The following LRRC74A variants were observed in gnomAD, a reference collection of about 807,000 sequenced individuals.
LRRC74A encodes leucine rich repeat containing 74A, also known as leucine-rich repeat-containing protein 74A.
Under a neutral mutation model 57.9 loss-of-function variants are expected in LRRC74A, and 44 were observed. That is an observed-to-expected ratio of 0.76 (90% CI 0.60 to 0.98). The LOEUF is 0.98. Ranked by LOEUF, LRRC74A falls within the 50% of genes least tolerant of loss-of-function variation. The probability of loss-of-function intolerance (pLI) is 0.00; values close to 1 mark genes in which losing one functional copy is unlikely to be tolerated. For synonymous variants in LRRC74A, 211 were observed against 219.4 expected (o/e 0.96, Z 0.34); for missense variants, 572 against 574.0 (o/e 1.00, Z 0.04).
chr14:76,869,634 C>T (rs1268129481), intron 13 of LRRC74A, among the ~76,000 whole-genome samples: 3 of 151,684 alleles, frequency 2.0e-5, no homozygotes, highest in South Asian at 2.1e-4. Flanking sequence ...TGGTGGCAGG[C>T]GCCTGTAATC....
chr14:76,845,073 C>A (rs1341373841), intron 7 of LRRC74A, among the ~76,000 whole-genome samples, 172 bp downstream of exon 7: 1 of 152,210 alleles, frequency 6.6e-6, no homozygotes, highest in Non-Finnish European at 1.5e-5. Flanking sequence ...CCTGTAATCC[C>A]AGAACTTCAG....
chr14:76,867,211 T>TGTGTGTGTGTGTGGTAGTGTGTGTGTGG, intron 12 of LRRC74A, 145 bp from the exon 13 acceptor site: 2 of 149,118 alleles, frequency 1.3e-5, no homozygotes, highest in South Asian at 1.1e-4. Context: ...GGGGGTGGGG[T>TGTGTGTGTGTGTGGTAGTGTGTGTGTGG]GTGTGTGTGT....
At chr14:76,836,580 G>A (rs1251656859) in intron 4 of LRRC74A, among the ~76,000 whole-genome samples, 1 of 152,120 alleles carries the variant, frequency 6.6e-6, no homozygotes, top group Non-Finnish European at 1.5e-5. Flanking sequence ...TGGGAGGATC[G>A]CCTGAGGTCA....
chr14:76,837,978 A>C lies in LRRC74A; in HGVS notation c.544+7A>C, dbSNP rs752033405. ...TGGAGCCTTGAGCTTTCAGGTGAGC[A>C]CATGGAAAGGGAGGGAGAAGACACT... On this transcript the variant is annotated splice_region_variant and intron_variant, in intron 5 of 13. Coordinates refer to ENST00000689127, the MANE Select transcript of LRRC74A (RefSeq NM_001385106.1). 2.0e-6 allele frequency: 3 copies of C among 1,533,612 alleles called. No homozygotes were observed. In the African/African-American group the frequency reaches 4.1e-5, roughly 21 times the overall value.
At chr14:76,860,118 A>G (rs1451925298) in intron 10 of LRRC74A, among the ~76,000 whole-genome samples, 7 of 152,174 alleles carry the variant, frequency 4.6e-5, no homozygotes, top group Non-Finnish European at 1.0e-4. Flanking sequence ...AATTCTTTGA[A>G]AGGGCAAAAT....
chr14:76,844,791 C>T (rs1209935422), intron 6 of LRRC74A, 29 bp from the exon 7 acceptor site: 2 of 1,258,898 alleles, frequency 1.6e-6, no homozygotes, highest in Admixed American at 3.5e-5. Flanking sequence ...GACAAAAAAT[C>T]CTTCTCTTTC....
intron 12 of LRRC74A, among the ~76,000 whole-genome samples, chr14:76,866,356 C>T (rs1898794305): frequency 6.6e-6 from 1 of 152,176 alleles, no homozygotes; most frequent in African/African-American, 2.4e-5. Flanking sequence ...GTTTTTCTCC[C>T]CATTGCATTT....
Position 76,870,118 on chromosome 14 carries a change from G to A in LRRC74A, c.1392-7G>A, listed in dbSNP as rs144379825. The A allele has an allele frequency of 2.0e-5, 33 of 1,611,020 alleles. No individual in the cohort carries two copies. Among genetic ancestry groups the A allele is most frequent in the Non-Finnish European group, 2.5e-5 (30 of 1,178,726 alleles). On this transcript the variant is annotated splice_region_variant and splice_polypyrimidine_tract_variant and intron_variant, in intron 13 of 13. Transcript: ENST00000689127. ...GCTCAGCATCTTTCCCTTACCTTTC[G>A]TACCAGTTTCTTGAACACGATGAAG...
At chr14:76,851,289 CT>C (rs1378814942) in intron 7 of LRRC74A, among the ~76,000 whole-genome samples, 5 of 152,230 alleles carry the variant, frequency 3.3e-5, no homozygotes, top group Admixed American at 2.0e-4. Flanking sequence ...AATACAGCCC[CT>C]GAAGATGTTT....
Position 76,857,441 on chromosome 14 carries a change from AC to A in LRRC74A, c.1023del (p.Lys342AsnfsTer19). On this transcript the variant is annotated frameshift_variant, in exon 10 of 14. Coordinates refer to ENST00000689127, the MANE Select transcript of LRRC74A (RefSeq NM_001385106.1). LOFTEE classifies it high-confidence loss of function. ...AILLILAIKR[N>X]PKSRMEELDI... ...TTACTTATCCTGGCTATCAAGAGGA[AC>A]CCCAAATCCAGGATGGAAGAGCTTG... is the stretch of plus-strand genomic sequence containing the variant. 1 of 1,586,870 alleles carries A rather than the reference AC, an allele frequency of 6.3e-7. No individual in the cohort carries two copies. The highest frequency in any genetic ancestry group is 1.1e-5 in the South Asian group (1 of 87,146).
chr14:76,828,806 G>C (rs780071186), intron 2 of LRRC74A: 34 of 413,400 alleles, frequency 8.2e-5, no homozygotes, highest in Non-Finnish European at 1.5e-4. Flanking sequence ...GCCTTAAAGA[G>C]ATTATAGGCA....
intron 5 of LRRC74A, among the ~76,000 whole-genome samples, chr14:76,839,317 G>GC (rs1386403033): frequency 6.6e-6 from 1 of 152,132 alleles, no homozygotes; most frequent in Non-Finnish European, 1.5e-5. Context: ...ATGGACTGTT[G>GC]CCTATACCAT....
intron 8 of LRRC74A, 28 bp from the exon 9 acceptor site, chr14:76,853,188 C>T (rs760197210): frequency 7.0e-6 from 11 of 1,570,124 alleles, no homozygotes; most frequent in East Asian, 2.2e-5. Context: ...AACCTTGATG[C>T]TGGTGCTGTT....
At chr14:76,829,743 C>G (rs969894619) in intron 2 of LRRC74A, among the ~76,000 whole-genome samples, 1 of 152,226 alleles carries the variant, frequency 6.6e-6, no homozygotes, top group Non-Finnish European at 1.5e-5. Flanking sequence ...ACCAAAAACT[C>G]TGTCCTGAAT....
At chr14:76,856,257 A>G (rs935267841) in intron 9 of LRRC74A, among the ~76,000 whole-genome samples, 6 of 152,130 alleles carry the variant, frequency 3.9e-5, no homozygotes, top group African/African-American at 1.4e-4. Flanking sequence ...AATCCTCATT[A>G]GTCCTGCAAG....
chr14:76,839,325 C>T (rs1349146524), intron 5 of LRRC74A, among the ~76,000 whole-genome samples: 1 of 152,184 alleles, frequency 6.6e-6, no homozygotes, highest in African/African-American at 2.4e-5. Context: ...TTGCCTATAC[C>T]ATCCCCAGAA....
At chr14:76,829,893 A>C (rs1895852624) in intron 2 of LRRC74A, among the ~76,000 whole-genome samples, 1 of 152,110 alleles carries the variant, frequency 6.6e-6, no homozygotes, top group Non-Finnish European at 1.5e-5. Flanking sequence ...GGGGGAGACG[A>C]GCCTGGTTTG....
intron 13 of LRRC74A, among the ~76,000 whole-genome samples, chr14:76,867,645 G>A (rs748796767): frequency 4.6e-5 from 7 of 152,164 alleles, no homozygotes; most frequent in Admixed American, 2.0e-4. Flanking sequence ...CCAATCAGGC[G>A]CTGCTGGCTG....
chr14:76,841,249 C>T (rs576652056), intron 5 of LRRC74A, among the ~76,000 whole-genome samples: 2 of 152,058 alleles, frequency 1.3e-5, no homozygotes, highest in African/African-American at 2.4e-5. Context: ...GCCATGTTGG[C>T]CAGGCTGGTC....
Sources: gnomAD v4.1 joint callset for allele counts (sites outside exome capture counted in the v4.1 genomes callset) on GRCh38, gnomAD v4.1.1 for gene constraint, MANE v1.5 for transcripts, NCBI Gene and HGNC (gene_info 2026-07-23, HGNC 2026-07-21) for gene names.